The following GSE1 variants were observed in gnomAD, a reference collection of about 807,000 sequenced individuals.
The protein encoded by GSE1 is genetic suppressor element 1.
In GSE1, 32 loss-of-function variants were observed where a neutral mutation model predicts 112.6. That is an observed-to-expected ratio of 0.28 (90% CI 0.21 to 0.38). The LOEUF (loss-of-function observed/expected upper bound fraction) is 0.38, where lower values mean the gene tolerates loss of function less well. GSE1 is among the 10% of genes least tolerant of loss of function. The probability of loss-of-function intolerance (pLI) is 1.00; values close to 1 mark genes in which losing one functional copy is unlikely to be tolerated. For missense variants in GSE1, 2,348 were observed against 1,699.2 expected (o/e 1.38, Z -6.71); for synonymous variants, 1,115 against 735.6 (o/e 1.52, Z -8.35).
intron 2 of GSE1, among the ~76,000 whole-genome samples, chr16:85,430,802 G>T (rs961529175): frequency 6.6e-6 from 1 of 152,184 alleles, no homozygotes; most frequent in African/African-American, 2.4e-5. Flanking sequence ...TGGAGCGGAG[G>T]TCCCCCCACT....
At chr16:85,654,680 G>A (rs2051752651) in intron 4 of GSE1, 114 bp from the exon 5 acceptor site, 1 of 766,058 alleles carries the variant, frequency 1.3e-6, no homozygotes, top group African/African-American at 1.7e-5. Flanking sequence ...GGGGTGCCAG[G>A]AGTCTGGGTG....
At chr16:85,523,379 T>C (rs13332155) in intron 2 of GSE1, among the ~76,000 whole-genome samples, 60,823 of 152,200 alleles carry the variant, frequency 0.4, 12,658 homozygotes, top group East Asian at 0.53. Context: ...TCTCCCACTT[T>C]CGTTAAACCC....
intron 1 of GSE1, among the ~76,000 whole-genome samples, chr16:85,614,395 C>A (rs1396423039): frequency 1.3e-5 from 2 of 152,104 alleles, no homozygotes; most frequent in Non-Finnish European, 2.9e-5. Context: ...GCTCACCCTC[C>A]CTGCGCCCGC....
chr16:85,471,650 G>A (rs2050299603), intron 2 of GSE1, among the ~76,000 whole-genome samples: 1 of 152,124 alleles, frequency 6.6e-6, no homozygotes, highest in Non-Finnish European at 1.5e-5. Flanking sequence ...TTGGGCTTAA[G>A]CAATCTGCCC....
chr16:85,278,034 G>A (rs1909543142), intron 1 of GSE1, among the ~76,000 whole-genome samples: 1 of 152,248 alleles, frequency 6.6e-6, no homozygotes, highest in South Asian at 2.1e-4. Context: ...GGCGGCATGT[G>A]TCCCAACCGT....
chr16:85,528,919 C>T (rs1221934808), intron 2 of GSE1, among the ~76,000 whole-genome samples: 6 of 152,150 alleles, frequency 3.9e-5, no homozygotes, highest in Non-Finnish European at 8.8e-5. Context: ...AGGAGATCAG[C>T]GAGTGGGAGG....
intron 1 of GSE1, among the ~76,000 whole-genome samples, chr16:85,351,833 T>C (rs759663798): frequency 2.0e-5 from 3 of 151,976 alleles, no homozygotes; most frequent in Non-Finnish European, 4.4e-5. Flanking sequence ...TTGCTAAAAA[T>C]ACAAAAATTA....
chr16:85,180,871 C>G (rs890989254), intron 1 of GSE1, among the ~76,000 whole-genome samples: 14 of 152,212 alleles, frequency 9.2e-5, no homozygotes, highest in Non-Finnish European at 1.3e-4. Flanking sequence ...GAAAAGCTTC[C>G]TCTTCTGGAA....
intron 1 of GSE1, among the ~76,000 whole-genome samples, chr16:85,254,329 C>T (rs1334326067): frequency 6.6e-6 from 1 of 152,196 alleles, no homozygotes. Flanking sequence ...GCCCTCAGCC[C>T]AGGTGCCTGC....
intron 1 of GSE1, among the ~76,000 whole-genome samples, chr16:85,327,367 C>A (rs1347523985): frequency 6.6e-6 from 1 of 152,194 alleles, no homozygotes; most frequent in Non-Finnish European, 1.5e-5. Flanking sequence ...CTTTGGGAGG[C>A]TGAGGTGGGC....
chr16:85,610,603 C>T (rs2047925650), upstream of GSE1, among the ~76,000 whole-genome samples: 1 of 152,234 alleles, frequency 6.6e-6, no homozygotes, highest in Admixed American at 6.5e-5. Context: ...CAGTGAGTGT[C>T]ATCCATCTCC....
chr16:85,516,891 G>A (rs895882953), intron 2 of GSE1, among the ~76,000 whole-genome samples: 40 of 148,602 alleles, frequency 2.7e-4, no homozygotes, highest in Non-Finnish European at 4.7e-4. Flanking sequence ...TCCGCCTCCC[G>A]GGTTCACGCC....
chr16:85,217,693 G>A (rs2075326943), intron 1 of GSE1, among the ~76,000 whole-genome samples: 1 of 152,148 alleles, frequency 6.6e-6, no homozygotes, highest in Non-Finnish European at 1.5e-5. Flanking sequence ...GCAAGCAGGA[G>A]TATCTCATTC....
intron 1 of GSE1, among the ~76,000 whole-genome samples, chr16:85,341,654 C>T (rs945719271): frequency 6.6e-6 from 1 of 151,668 alleles, no homozygotes; most frequent in Non-Finnish European, 1.5e-5. Context: ...GAAACTCTGT[C>T]TCTAAATAAA....
intron 2 of GSE1, among the ~76,000 whole-genome samples, chr16:85,524,593 C>T (rs922513738): frequency 2.0e-5 from 3 of 152,110 alleles, no homozygotes; most frequent in Non-Finnish European, 4.4e-5. Context: ...GTGCTGAGGC[C>T]TCATGCCCTG....
chr16:85,364,924 C>A (rs183811029), intron 2 of GSE1, among the ~76,000 whole-genome samples: 180 of 152,334 alleles, frequency 1.2e-3, no homozygotes, highest in African/African-American at 4.2e-3. Context: ...CCAGGCACTT[C>A]CCACTTCTAC....
intron 1 of GSE1, among the ~76,000 whole-genome samples, chr16:85,240,575 G>A (rs76118998): frequency 2.0e-5 from 3 of 152,258 alleles, no homozygotes; most frequent in African/African-American, 7.2e-5. Flanking sequence ...CTCACCTGGA[G>A]TGAGGGGAAG....
rs976949908 is a variant in GSE1 at position 85,673,478 on chromosome 16, C to G, written c.*939C>G. 7.4e-5 allele frequency: 8 copies of G among 107,858 alleles called. No homozygotes were observed. Among genetic ancestry groups the G allele is most frequent in the Non-Finnish European group, 5.8e-5 (3 of 51,500 alleles). The allele number at this position is 107,858 out of a possible 1,614,324, so 6.7% of individuals were successfully genotyped here. A position where few individuals can be genotyped will look rare whatever the true frequency, so the allele number is the denominator to read the frequency against. On this transcript the variant is annotated 3_prime_UTR_variant, in exon 16 of 16. Coordinates refer to ENST00000253458, the MANE Select transcript of GSE1 (RefSeq NM_014615.5). ...GTTTGTTGTTTTGGTTTTTTTTGGG[C>G]AAAAAAAAAAAAAAAACCTTGCTTT...
rs899906579 is a variant in GSE1 at position 85,673,592 on chromosome 16, T to A, written c.*1053T>A. On this transcript the variant is annotated 3_prime_UTR_variant, in exon 16 of 16. Transcript: ENST00000253458. ...GAAGAAAAGTAAAAGAGCTTACCAC[T>A]GGCGCCTATGCGATCACTTCATTTT... 3 of 152,260 alleles carry A rather than the reference T, an allele frequency of 2.0e-5. No homozygotes were observed. Among genetic ancestry groups the A allele is most frequent in the African/African-American group, 7.2e-5 (3 of 41,456 alleles). 9.4% of individuals were successfully genotyped at this position (152,260 alleles called of 1,614,324 possible). A position where few individuals can be genotyped will look rare whatever the true frequency, so the allele number is the denominator to read the frequency against.
Sources: allele counts gnomAD v4.1 joint callset (sites outside exome capture counted in the v4.1 genomes callset), GRCh38; gene constraint gnomAD v4.1.1; transcripts MANE v1.5; gene names NCBI Gene and HGNC (gene_info 2026-07-23, HGNC 2026-07-21).